Variants in DGKB observed in about 807,000 individuals in gnomAD.
DGKB encodes the protein 90 kDa diacylglycerol kinase.
DGKB carries 67 observed loss-of-function variants against 114.3 expected under a neutral mutation model. The ratio of observed to expected loss-of-function variants is 0.59; its 90% CI spans 0.48 to 0.72. The LOEUF is 0.72. Ranked by LOEUF, DGKB falls within the 30% of genes least tolerant of loss-of-function variation. The pLI, the probability that DGKB is intolerant of heterozygous loss-of-function variation, is 0.00. For synonymous variants in DGKB, 398 were observed against 323.1 expected, an observed-to-expected ratio of 1.23 and a Z score of -2.49; for missense variants, 907 against 975.2, an observed-to-expected ratio of 0.93 and a Z score of 0.93.
intron 23 of DGKB, among the ~76,000 whole-genome samples, chr7:14,234,882 C>T (rs1011851434): frequency 6.6e-6 from 1 of 152,036 alleles, no homozygotes; most frequent in African/African-American, 2.4e-5. Flanking sequence ...ACATAACCAC[C>T]TAAATTGTCA....
intron 23 of DGKB, among the ~76,000 whole-genome samples, chr7:14,281,325 T>C (rs1186399630): frequency 6.8e-5 from 10 of 146,534 alleles, no homozygotes; most frequent in East Asian, 2.1e-4. Flanking sequence ...CCTAAATATA[T>C]ATGCACCCAA....
At chr7:14,259,652 C>A (rs910010102) in intron 23 of DGKB, among the ~76,000 whole-genome samples, 10 of 152,134 alleles carry the variant, frequency 6.6e-5, no homozygotes, top group Admixed American at 1.3e-4. Flanking sequence ...TCTTGAACTC[C>A]TGGCCTCAGG....
chr7:14,514,515 T>C (rs1016195401), intron 20 of DGKB, among the ~76,000 whole-genome samples: 1 of 152,148 alleles, frequency 6.6e-6, no homozygotes, highest in East Asian at 1.9e-4. Context: ...CTGCAAATAA[T>C]TGTTTATTGA....
chr7:14,911,913 T>C (rs533585657), intron 1 of DGKB, among the ~76,000 whole-genome samples: 1 of 152,308 alleles, frequency 6.6e-6, no homozygotes, highest in South Asian at 2.1e-4. Flanking sequence ...AATAAAACAG[T>C]ATGCAGATGC....
intron 20 of DGKB, among the ~76,000 whole-genome samples, chr7:14,572,369 G>A (rs939206300): frequency 4.6e-5 from 7 of 151,208 alleles, no homozygotes; most frequent in Non-Finnish European, 7.4e-5. Context: ...GGAGAATGTC[G>A]TGAACCCAGG....
chr7:14,651,439 A>G, intron 13 of DGKB, among the ~76,000 whole-genome samples: 1 of 147,484 alleles, frequency 6.8e-6, no homozygotes, highest in Non-Finnish European at 1.5e-5. Context: ...CCTTTGACAA[A>G]ATTCAACAAC....
At chr7:14,679,079 T>G (rs563936497) in intron 12 of DGKB, among the ~76,000 whole-genome samples, 13 of 151,806 alleles carry the variant, frequency 8.6e-5, no homozygotes, top group Non-Finnish European at 1.5e-4. Context: ...ATTCTGGATG[T>G]TTTTTTGAGT....
Position 14,687,397 on chromosome 7 carries a change from C to G in DGKB, c.712-2035G>C, listed in dbSNP as rs189318190. 1.9e-3 allele frequency among the ~76,000 whole-genome samples: 296 copies of G among 152,252 alleles called. 1 individual carries two copies. Among genetic ancestry groups the G allele is most frequent in the African/African-American group, 6.6e-3 (274 of 41,548 alleles). On this transcript the variant is annotated intron_variant, in intron 9 of 25. Transcript: ENST00000402815. ...GTCATACAGAAAACTTCAGAAAACACAGGTGTTTTAATTTTCTTTCAAAAC... is the reference window on the plus strand; with the variant it reads ...GTCATACAGAAAACTTCAGAAAACAGAGGTGTTTTAATTTTCTTTCAAAAC...
At position 14,607,848 on chromosome 7, in the gene DGKB, T is replaced by A. The variant is rs987143125; in HGVS notation, c.1359-340A>T. On this transcript the variant is annotated intron_variant, in intron 16 of 25. Transcript: ENST00000402815. ...TAGATTTCAAATAAATGTATTTTTTTAATATTTCAGTATAAAATTGCCTAA... is the reference window on the plus strand; with the variant it reads ...TAGATTTCAAATAAATGTATTTTTTAAATATTTCAGTATAAAATTGCCTAA... 3.8e-4 allele frequency among the ~76,000 whole-genome samples: 58 copies of A among 151,870 alleles called. 1 individual carries two copies. The highest frequency in any genetic ancestry group is 3.0e-3 in the Admixed American group (46 of 15,210).
At chr7:14,210,661 C>T (rs553110277) in intron 23 of DGKB, among the ~76,000 whole-genome samples, 37 of 152,210 alleles carry the variant, frequency 2.4e-4, no homozygotes, top group African/African-American at 8.9e-4. Context: ...TCAAATCTCA[C>T]ATGTCCAACA....
At chr7:14,674,095 T>A (rs757846258) in intron 12 of DGKB, among the ~76,000 whole-genome samples, 32 of 152,138 alleles carry the variant, frequency 2.1e-4, no homozygotes, top group Non-Finnish European at 3.8e-4. Context: ...GAGGTATTTC[T>A]GCGGTCCTAG....
At chr7:14,787,043 C>G (rs1375951279) in intron 2 of DGKB, among the ~76,000 whole-genome samples, 1 of 152,140 alleles carries the variant, frequency 6.6e-6, no homozygotes, top group South Asian at 2.1e-4. Context: ...TTTGGGACAA[C>G]CTGCCAGTAG....
In DGKB at chr7:14,147,540, G is replaced by A; in HGVS notation, c.*1591C>T. 6.6e-6 allele frequency: 1 copy of A among 152,042 alleles called. No individual in the cohort carries two copies. Among genetic ancestry groups the A allele is most frequent in the East Asian group, 1.9e-4 (1 of 5,172 alleles). The allele number at this position is 152,042 out of a possible 1,614,324, so 9.4% of individuals were successfully genotyped here. A position where few individuals can be genotyped will look rare whatever the true frequency, so the allele number is the denominator to read the frequency against. On this transcript the variant is annotated 3_prime_UTR_variant, in exon 26 of 26. Transcript: ENST00000402815. Reference sequence around the variant, plus strand: ...CTTGAAATCCATAAATCCATGCACAGGATTGTGTTCAACAGAATCACTAAA... The same window carrying A: ...CTTGAAATCCATAAATCCATGCACAAGATTGTGTTCAACAGAATCACTAAA...
chr7:14,415,050 A>C (rs922466754), intron 21 of DGKB, among the ~76,000 whole-genome samples: 1 of 152,012 alleles, frequency 6.6e-6, no homozygotes, highest in African/African-American at 2.4e-5. Flanking sequence ...ACAGGTTTAA[A>C]AGTTAAAATA....
chr7:14,310,921 G>C (rs914161975), intron 23 of DGKB, among the ~76,000 whole-genome samples: 4 of 152,114 alleles, frequency 2.6e-5, no homozygotes, highest in African/African-American at 9.7e-5. Flanking sequence ...TTGAGACCAA[G>C]AGTTTGAGAC....
chr7:14,569,176 G>C (rs1798014997), intron 20 of DGKB, among the ~76,000 whole-genome samples: 1 of 152,150 alleles, frequency 6.6e-6, no homozygotes, highest in African/African-American at 2.4e-5. Flanking sequence ...TTATGTCCCT[G>C]AGCATTGAGA....
At chr7:14,740,368 G>A (rs942078916) in intron 4 of DGKB, among the ~76,000 whole-genome samples, 32 of 152,166 alleles carry the variant, frequency 2.1e-4, no homozygotes, top group African/African-American at 7.0e-4. Flanking sequence ...ACAGCCCTGT[G>A]AGTACAGGGG....
chr7:14,868,870 T>G (rs1852064196), intron 1 of DGKB, among the ~76,000 whole-genome samples: 3 of 152,080 alleles, frequency 2.0e-5, no homozygotes, highest in Non-Finnish European at 4.4e-5. Context: ...TAAATCAGTG[T>G]TAGTAAACTG....
At chr7:14,895,713 A>G (rs1781990368) in intron 1 of DGKB, among the ~76,000 whole-genome samples, 1 of 151,588 alleles carries the variant, frequency 6.6e-6, no homozygotes, top group Non-Finnish European at 1.5e-5. Context: ...AGGATACAGG[A>G]CCGTGGTATA....
Sources: allele counts gnomAD v4.1 joint callset (sites outside exome capture counted in the v4.1 genomes callset), GRCh38; gene constraint gnomAD v4.1.1; transcripts MANE v1.5; gene names NCBI Gene and HGNC (gene_info 2026-07-23, HGNC 2026-07-21).